Variants in PTPRD observed in about 807,000 individuals in gnomAD.
The protein encoded by PTPRD is receptor-type tyrosine-protein phosphatase delta.
Under a neutral mutation model 214.5 loss-of-function variants are expected in PTPRD, and 34 were observed. The ratio of observed to expected loss-of-function variants is 0.16; its 90% CI spans 0.12 to 0.21. PTPRD has a LOEUF of 0.21. Ranked by LOEUF, PTPRD falls within the 10% of genes least tolerant of loss-of-function variation. The pLI is 1.00. For missense variants in PTPRD, 2,545 were observed against 2,398.7 expected, an observed-to-expected ratio of 1.06 and a Z score of -1.27; for synonymous variants, 1,128 against 845.7, an observed-to-expected ratio of 1.33 and a Z score of -5.79.
intron 3 of PTPRD, among the ~76,000 whole-genome samples, chr9:10,185,809 T>G (rs139325294): frequency 6.6e-6 from 1 of 152,094 alleles, no homozygotes; most frequent in Non-Finnish European, 1.5e-5. Flanking sequence ...ACTTGTTTCC[T>G]GGGAAGCATC....
intron 11 of PTPRD, among the ~76,000 whole-genome samples, chr9:8,813,559 G>C (rs943236184): frequency 6.6e-6 from 1 of 152,060 alleles, no homozygotes; most frequent in Admixed American, 6.6e-5. Context: ...TTCTGTTAAA[G>C]ACAAGGTCTT....
chr9:10,301,528 G>A (rs528504506), intron 3 of PTPRD, among the ~76,000 whole-genome samples: 1 of 152,146 alleles, frequency 6.6e-6, no homozygotes, highest in Non-Finnish European at 1.5e-5. Context: ...TTGACAAAAG[G>A]TTAGACAAAT....
chr9:8,600,261 G>T (rs1400654694), intron 14 of PTPRD, among the ~76,000 whole-genome samples: 2 of 152,208 alleles, frequency 1.3e-5, no homozygotes, highest in East Asian at 1.9e-4. Flanking sequence ...GTCAGAGCTT[G>T]AGTTCCCACA....
At chr9:10,130,493 T>C (rs1301089308) in intron 3 of PTPRD, among the ~76,000 whole-genome samples, 1 of 152,122 alleles carries the variant, frequency 6.6e-6, no homozygotes, top group Non-Finnish European at 1.5e-5. Context: ...CTGTGGGTTT[T>C]TTGAGGTCAA....
At position 10,594,912 on chromosome 9, in the gene PTPRD, T is replaced by C. The variant is rs1415598830; in HGVS notation, c.-600+17486A>G. ...TGGAATCATTTGCACTTTAAAGAGATAGAAGTGATACAAATTTTACTTTCA... is the reference window on the plus strand; with the variant it reads ...TGGAATCATTTGCACTTTAAAGAGACAGAAGTGATACAAATTTTACTTTCA... On this transcript the variant is annotated intron_variant, in intron 2 of 45. Transcript: ENST00000381196. Among the ~76,000 whole-genome samples, 3 of 152,012 alleles carry C rather than the reference T, an allele frequency of 2.0e-5. No homozygotes were observed. The East Asian group carries it at 5.8e-4, about 29-fold the overall frequency.
chr9:8,986,505 T>C (rs1040485212), intron 11 of PTPRD, among the ~76,000 whole-genome samples: 1 of 151,484 alleles, frequency 6.6e-6, no homozygotes, highest in African/African-American at 2.4e-5. Flanking sequence ...TAGTTTAGTA[T>C]CTTTACTTTT....
At chr9:10,225,486 T>A (rs902257452) in intron 3 of PTPRD, among the ~76,000 whole-genome samples, 4 of 152,028 alleles carry the variant, frequency 2.6e-5, no homozygotes, top group Non-Finnish European at 4.4e-5. Context: ...GAGGGTGATA[T>A]GAGGATGAAA....
At chr9:10,592,521 T>C (rs552178869) in intron 2 of PTPRD, among the ~76,000 whole-genome samples, 7 of 152,054 alleles carry the variant, frequency 4.6e-5, no homozygotes, top group African/African-American at 1.4e-4. Flanking sequence ...ATGTCAGTTA[T>C]AGGTGGCCAA....
chr9:10,077,354 GT>G (rs1567529912), intron 3 of PTPRD, among the ~76,000 whole-genome samples: 2 of 152,058 alleles, frequency 1.3e-5, no homozygotes, highest in Non-Finnish European at 2.9e-5. Context: ...CTAACTTGTG[GT>G]TCTCAAAATT....
chr9:10,463,194 C>T (rs539386331), intron 2 of PTPRD, among the ~76,000 whole-genome samples: 5 of 151,948 alleles, frequency 3.3e-5, no homozygotes, highest in Admixed American at 6.6e-5. Flanking sequence ...TCTGAATATA[C>T]GATAATTATA....
At chr9:10,553,094 T>A (rs746630803) in intron 2 of PTPRD, among the ~76,000 whole-genome samples, 2 of 152,168 alleles carry the variant, frequency 1.3e-5, no homozygotes, top group Non-Finnish European at 2.9e-5. Flanking sequence ...TAGCAACATC[T>A]CCATGCTGAG....
intron 39 of PTPRD, among the ~76,000 whole-genome samples, chr9:8,357,614 A>T (rs2077298061): frequency 6.6e-6 from 1 of 152,188 alleles, no homozygotes; most frequent in African/African-American, 2.4e-5. Context: ...GCTCCTTAGT[A>T]AGGAACCCAC....
At chr9:9,732,560 C>A (rs1359648902) in intron 7 of PTPRD, among the ~76,000 whole-genome samples, 6 of 152,068 alleles carry the variant, frequency 3.9e-5, no homozygotes, top group Admixed American at 3.9e-4. Context: ...CCAGATCCAA[C>A]TTTTGCAACT....
intron 2 of PTPRD, among the ~76,000 whole-genome samples, chr9:10,548,069 C>T (rs1257205482): frequency 6.6e-6 from 1 of 151,980 alleles, no homozygotes; most frequent in Non-Finnish European, 1.5e-5. Flanking sequence ...TTTTATGAGC[C>T]TCTCACAGCT....
At chr9:10,092,911 G>C (rs1209862079) in intron 3 of PTPRD, among the ~76,000 whole-genome samples, 1 of 151,590 alleles carries the variant, frequency 6.6e-6, no homozygotes. Flanking sequence ...ACAGACGAAT[G>C]AAACTGGACT....
At chr9:10,604,212 T>C (rs1262464747) in intron 2 of PTPRD, among the ~76,000 whole-genome samples, 1 of 151,834 alleles carries the variant, frequency 6.6e-6, no homozygotes, top group Non-Finnish European at 1.5e-5. Flanking sequence ...TCTTCATCTC[T>C]GTATTCAGCA....
intron 8 of PTPRD, among the ~76,000 whole-genome samples, chr9:9,441,397 G>C (rs575319358): frequency 6.6e-6 from 1 of 152,106 alleles, no homozygotes; most frequent in Admixed American, 6.5e-5. Context: ...CTAGACAAAA[G>C]AAAAAGTATG....
chr9:9,918,784 G>C (rs1253082515), intron 5 of PTPRD, among the ~76,000 whole-genome samples: 1 of 152,066 alleles, frequency 6.6e-6, no homozygotes, highest in Non-Finnish European at 1.5e-5. Flanking sequence ...CATGGGTATC[G>C]AGAATATTCA....
intron 35 of PTPRD, among the ~76,000 whole-genome samples, chr9:8,427,009 A>G (rs2094722528): frequency 6.6e-6 from 1 of 152,136 alleles, no homozygotes; most frequent in South Asian, 2.1e-4. Flanking sequence ...GTGTTCTACT[A>G]GATTTGTTTA....
Sources: gnomAD v4.1 joint callset for allele counts (sites outside exome capture counted in the v4.1 genomes callset) on GRCh38, gnomAD v4.1.1 for gene constraint, MANE v1.5 for transcripts, NCBI Gene and HGNC (gene_info 2026-07-23, HGNC 2026-07-21) for gene names.